Variants in ANKRD30B observed in about 807,000 individuals in gnomAD.
ANKRD30B encodes ankyrin repeat domain-containing protein 30B.
In ANKRD30B, 144 loss-of-function variants were observed where a neutral mutation model predicts 202.2. That is an observed-to-expected ratio of 0.71 (90% CI 0.62 to 0.82). The LOEUF (loss-of-function observed/expected upper bound fraction) is 0.82, where lower values mean the gene tolerates loss of function less well. ANKRD30B is among the 40% of genes least tolerant of loss of function. The pLI is 0.00. For synonymous variants in ANKRD30B, 508 were observed against 561.3 expected, an observed-to-expected ratio of 0.91 and a Z score of 1.34; for missense variants, 1,487 against 1,669.1, an observed-to-expected ratio of 0.89 and a Z score of 1.90.
chr18:14,794,837 A>G (rs1326459401), intron 16 of ANKRD30B, among the ~76,000 whole-genome samples: 2 of 152,162 alleles, frequency 1.3e-5, no homozygotes, highest in Non-Finnish European at 2.9e-5. Flanking sequence ...TATATACTTG[A>G]TATGTCTAAA....
intron 24 of ANKRD30B, among the ~76,000 whole-genome samples, chr18:14,806,997 T>C (rs1325270460): frequency 1.3e-5 from 2 of 151,012 alleles, no homozygotes; most frequent in Admixed American, 6.6e-5. Flanking sequence ...TTAAAGTGTA[T>C]TGAATACAAT....
chr18:14,838,312 G>A (rs1292678434), intron 36 of ANKRD30B, among the ~76,000 whole-genome samples: 1 of 152,192 alleles, frequency 6.6e-6, no homozygotes, highest in African/African-American at 2.4e-5. Flanking sequence ...GATTCGAGGA[G>A]AAAGAGTTTA....
chr18:14,893,143 T>C, the ANKRD30B span, among the ~76,000 whole-genome samples: 24 of 152,310 alleles, frequency 1.6e-4, no homozygotes, highest in African/African-American at 5.3e-4. Flanking sequence ...TTAAGCAGTA[T>C]TGGCAGAATC....
At chr18:14,791,684 A>T (rs571806134) in intron 16 of ANKRD30B, among the ~76,000 whole-genome samples, 193 bp downstream of exon 16, 5 of 152,302 alleles carry the variant, frequency 3.3e-5, no homozygotes, top group African/African-American at 9.6e-5. Flanking sequence ...GCTGAAAAGG[A>T]ACTGAATTAT....
chr18:14,749,133 T>A (rs1368127122), intron 1 of ANKRD30B, among the ~76,000 whole-genome samples: 1 of 152,198 alleles, frequency 6.6e-6, no homozygotes, highest in Non-Finnish European at 1.5e-5. Flanking sequence ...TCTATGTAAA[T>A]ATGTTCTTTG....
At chr18:14,832,530 C>T (rs981296863) in intron 34 of ANKRD30B, among the ~76,000 whole-genome samples, 2 of 152,122 alleles carry the variant, frequency 1.3e-5, no homozygotes, top group Non-Finnish European at 2.9e-5. Context: ...GCTCTTGCAT[C>T]ACTATGAGAT....
intron 10 of ANKRD30B, among the ~76,000 whole-genome samples, chr18:14,779,509 A>G (rs528186113): frequency 6.6e-6 from 1 of 152,304 alleles, no homozygotes; most frequent in East Asian, 1.9e-4. Context: ...CAAAAAGTTA[A>G]TTTCTTGAAG....
chr18:14,831,291 C>T, intron 33 of ANKRD30B, 92 bp from the exon 34 acceptor site: 2 of 746,202 alleles, frequency 2.7e-6, no homozygotes, highest in Admixed American at 3.3e-5. Flanking sequence ...TTTTTGTTCT[C>T]ATTTTTTGGA....
At chr18:14,860,046 G>A in the ANKRD30B span, among the ~76,000 whole-genome samples, 8 of 141,542 alleles carry the variant, frequency 5.7e-5, no homozygotes, top group African/African-American at 1.3e-4. Flanking sequence ...CAGACAGGGT[G>A]GCCGGGCAGA....
the ANKRD30B span, among the ~76,000 whole-genome samples, chr18:14,861,975 C>T: frequency 1.3e-5 from 2 of 152,192 alleles, no homozygotes; most frequent in Non-Finnish European, 2.9e-5. Flanking sequence ...AAGTCAATAT[C>T]AAGAACTCTC....
chr18:14,766,222 T>C (rs559888729), intron 7 of ANKRD30B, among the ~76,000 whole-genome samples: 8 of 151,634 alleles, frequency 5.3e-5, no homozygotes, highest in Non-Finnish European at 8.8e-5. Context: ...CCTGTAATCC[T>C]AGCACTTTGG....
At chr18:14,797,218 G>T (rs982545547) in intron 18 of ANKRD30B, among the ~76,000 whole-genome samples, 17 of 152,088 alleles carry the variant, frequency 1.1e-4, no homozygotes, top group Admixed American at 2.6e-4. Flanking sequence ...ACCCCCCCAT[G>T]CGTCTGTTTA....
the ANKRD30B span, among the ~76,000 whole-genome samples, chr18:14,908,804 A>G: frequency 6.6e-6 from 1 of 152,166 alleles, no homozygotes; most frequent in African/African-American, 2.4e-5. Flanking sequence ...AGCAGCTTCC[A>G]GGGCTCCTGA....
chr18:14,861,315 A>G, the ANKRD30B span, among the ~76,000 whole-genome samples: 4 of 152,224 alleles, frequency 2.6e-5, no homozygotes, highest in Non-Finnish European at 5.9e-5. Flanking sequence ...GCTCCACTGA[A>G]TAGACACAAA....
the ANKRD30B span, among the ~76,000 whole-genome samples, chr18:14,902,701 G>C: frequency 6.6e-6 from 1 of 152,110 alleles, no homozygotes; most frequent in African/African-American, 2.4e-5. Context: ...AATGATCCCA[G>C]GGTACCGCCC....
intron 32 of ANKRD30B, among the ~76,000 whole-genome samples, chr18:14,826,976 T>C (rs1414488073): frequency 6.6e-6 from 1 of 152,192 alleles, no homozygotes; most frequent in African/African-American, 2.4e-5. Context: ...GTGTCTTGTA[T>C]TGTACTCGCC....
rs1445894638 is a variant in ANKRD30B, at chr18:14,805,476, G to A, written c.2284+1652G>A. ...CAAAGCTAGAAATTACAAAAATGTT[G>A]GATACTATTGTAGCATACGGGTATG... is the stretch of plus-strand genomic sequence containing the variant. On this transcript the variant is annotated intron_variant, in intron 24 of 43. Coordinates refer to ENST00000690538, the MANE Select transcript of ANKRD30B (RefSeq NM_001367607.2). 4.7e-5 allele frequency among the ~76,000 whole-genome samples: 7 copies of A among 150,202 alleles called. 1 individual carries two copies. Among genetic ancestry groups the A allele is most frequent in the Non-Finnish European group, 8.9e-5 (6 of 67,620 alleles).
At chr18:14,871,007 ACACACCCCTACCCACACACCCTCACC>A in the ANKRD30B span, among the ~76,000 whole-genome samples, 2 of 23,030 alleles carry the variant, frequency 8.7e-5, no homozygotes, top group African/African-American at 3.6e-4. Context: ...ACCCCCACCC[ACACACCCCTACCCACACACCCTCACC>A]CACACCCCCA....
At position 14,799,297 on chromosome 18, in the gene ANKRD30B, TA is replaced by T. The variant is rs1198975486; in HGVS notation, c.2131+5del. Reference sequence around the variant, plus strand: ...AGGACAGAGAAACATTCAAAGCAGGTAAATTTTGCAATTTTAATTTTACTCT... The same window carrying T: ...AGGACAGAGAAACATTCAAAGCAGGTAATTTTGCAATTTTAATTTTACTCT... On this transcript the variant is annotated splice_donor_region_variant and intron_variant, in intron 22 of 43. Transcript: ENST00000690538. 6.6e-7 allele frequency: 1 copy of T among 1,522,402 alleles called. No homozygotes were observed. The highest frequency in any genetic ancestry group is 2.4e-5 in the Admixed American group (1 of 42,486). The allele number at this position is 1,522,402 out of a possible 1,614,324, so 94.3% of individuals were successfully genotyped here. A position where few individuals can be genotyped will look rare whatever the true frequency, so the allele number is the denominator to read the frequency against.
Sources: gnomAD v4.1 joint callset for allele counts (sites outside exome capture counted in the v4.1 genomes callset) on GRCh38, gnomAD v4.1.1 for gene constraint, MANE v1.5 for transcripts, NCBI Gene and HGNC (gene_info 2026-07-23, HGNC 2026-07-21) for gene names.